MIPEP: variants seen among roughly 807,000 people sequenced by gnomAD.
MIPEP encodes mitochondrial intermediate peptidase.
In MIPEP, 79 loss-of-function variants were observed where a neutral mutation model predicts 90.3. That is an observed-to-expected ratio of 0.87 (90% CI 0.73 to 1.05). The LOEUF (loss-of-function observed/expected upper bound fraction) is 1.05. Among genes scored for constraint, MIPEP ranks in the 50% least tolerant of loss-of-function variants. The pLI, the probability that MIPEP is intolerant of heterozygous loss-of-function variation, is 0.00. For synonymous variants in MIPEP, 334 were observed against 315.8 expected (o/e 1.06, Z -0.61); for missense variants, 940 against 905.6 (o/e 1.04, Z -0.49).
chr13:23,889,316 A>C lies in MIPEP; in HGVS notation c.5T>G (p.Leu2Arg), dbSNP rs1871699880. Residue 2 changes from leucine to arginine, a missense_variant, in exon 1 of 19, where the codon CTG becomes CGG. Leu to Arg is a moderately radical substitution (Grantham distance 102). Coordinates refer to ENST00000382172, the MANE Select transcript of MIPEP (RefSeq NM_005932.4). Reference sequence around the variant, plus strand: ...CAAGCCGCCCAGCCTTCCGACGCACAGCATTCTAGCACCAGAGCAGTCCCT... The same window carrying C: ...CAAGCCGCCCAGCCTTCCGACGCACCGCATTCTAGCACCAGAGCAGTCCCT... Reference protein sequence around the residue: MLCVGRLGGLGA... With the variant: MRCVGRLGGLGA... The C allele has an allele frequency of 7.4e-7, 1 of 1,346,158 alleles. No homozygotes were observed. The highest frequency in any genetic ancestry group is 1.8e-5 in the South Asian group (1 of 54,488). 83.4% of individuals were successfully genotyped at this position (1,346,158 alleles called of 1,614,324 possible). A position where few individuals can be genotyped will look rare whatever the true frequency, so the allele number is the denominator to read the frequency against.
chr13:23,856,260 G>T (rs184617033), intron 10 of MIPEP, among the ~76,000 whole-genome samples: 1 of 152,228 alleles, frequency 6.6e-6, no homozygotes, highest in South Asian at 2.1e-4. Flanking sequence ...ACAAACCAGG[G>T]AGGCAATGGG....
intron 9 of MIPEP, among the ~76,000 whole-genome samples, chr13:23,860,563 GT>G: frequency 6.6e-6 from 1 of 152,166 alleles, no homozygotes; most frequent in African/African-American, 2.4e-5. Flanking sequence ...GAGCAGCAGG[GT>G]AGTAGGAAGG....
chr13:23,732,922 T>A (rs1312244482), intron 18 of MIPEP, among the ~76,000 whole-genome samples: 3 of 152,326 alleles, frequency 2.0e-5, no homozygotes, highest in East Asian at 3.9e-4. Flanking sequence ...AAAGTTTACC[T>A]AAATACAGTA....
intron 10 of MIPEP, among the ~76,000 whole-genome samples, chr13:23,843,023 G>A (rs1158635948): frequency 6.6e-6 from 1 of 150,774 alleles, no homozygotes; most frequent in East Asian, 1.9e-4. Flanking sequence ...CTTGAACCCA[G>A]GAGGCGGAGG....
At chr13:23,812,942 T>A (rs1953191237) in intron 14 of MIPEP, among the ~76,000 whole-genome samples, 1 of 152,176 alleles carries the variant, frequency 6.6e-6, no homozygotes, top group Non-Finnish European at 1.5e-5. Flanking sequence ...CATTAACTCA[T>A]CAAATCACAA....
At chr13:23,865,709 G>A (rs1397247206) in intron 7 of MIPEP, among the ~76,000 whole-genome samples, 2 of 144,114 alleles carry the variant, frequency 1.4e-5, no homozygotes, top group African/African-American at 2.6e-5. Flanking sequence ...TTGCTCTGTT[G>A]CCCAGGCTGG....
chr13:23,839,672 G>GA lies in MIPEP; in HGVS notation c.1314dup (p.Gln439SerfsTer50), dbSNP rs754987851. On this transcript the variant is annotated frameshift_variant, in exon 12 of 19. Coordinates refer to ENST00000382172, the MANE Select transcript of MIPEP (RefSeq NM_005932.4). LOFTEE classifies it high-confidence loss of function. ...ACCTGATGTGGTTTGTCTGCTCGCT[G>GA]AAAAAAATCACAGTAAATGTACCCC... is the stretch of plus-strand genomic sequence containing the variant. 2.5e-6 allele frequency: 4 copies of GA among 1,612,680 alleles called. No homozygotes were observed. The highest frequency in any genetic ancestry group is 2.2e-5 in the East Asian group (1 of 44,804).
rs1730663207 is a variant in MIPEP at position 23,730,275 on chromosome 13, T to C, written c.*73A>G. The C allele has an allele frequency of 4.3e-6, 4 of 925,944 alleles. No homozygotes were observed. In the East Asian group the frequency reaches 8.0e-5, roughly 18 times the overall value. The allele number at this position is 925,944 out of a possible 1,614,324, so 57.4% of individuals were successfully genotyped here. ...GCGAACAATGAAATCAGAAACAAGC[T>C]CTCACAGCTGTAGCATTTATAACAA... On this transcript the variant is annotated 3_prime_UTR_variant, in exon 19 of 19. Transcript: ENST00000382172.
chr13:23,832,869 C>T (rs530570865), intron 14 of MIPEP, among the ~76,000 whole-genome samples: 2 of 152,300 alleles, frequency 1.3e-5, no homozygotes, highest in East Asian at 1.9e-4. Context: ...CTTGTCAAGA[C>T]GTTCTGAATC....
chr13:23,867,962 T>C (rs928157758), intron 7 of MIPEP, among the ~76,000 whole-genome samples: 3 of 151,348 alleles, frequency 2.0e-5, no homozygotes, highest in Non-Finnish European at 4.4e-5. Context: ...AAAAATATGG[T>C]ACTATTATAA....
At chr13:23,881,213 G>C (rs993657585) in intron 3 of MIPEP, among the ~76,000 whole-genome samples, 9 of 152,194 alleles carry the variant, frequency 5.9e-5, no homozygotes, top group Admixed American at 4.6e-4. Flanking sequence ...CAAGGACACT[G>C]TTTATAGAGC....
At position 23,879,229 on chromosome 13, in the gene MIPEP, A is replaced by G. The variant is rs761514187; in HGVS notation, c.539+39T>C. ...GAGAGTCTCCCAACCTCACCTCTAG[A>G]GTCACAGTCACAATCAAGGCAAAGA... On this transcript the variant is annotated intron_variant, in intron 4 of 18. Transcript: ENST00000382172. The G allele has an allele frequency of 5.7e-6, 7 of 1,229,996 alleles. No individual in the cohort carries two copies. In the African/African-American group the frequency reaches 1.0e-4, roughly 18 times the overall value. 76.2% of individuals were successfully genotyped at this position (1,229,996 alleles called of 1,614,324 possible).
intron 16 of MIPEP, among the ~76,000 whole-genome samples, chr13:23,781,146 T>C (rs1280424510): frequency 2.6e-5 from 4 of 152,026 alleles, no homozygotes; most frequent in Non-Finnish European, 5.9e-5. Flanking sequence ...CCAAGACACA[T>C]AATTATCAGA....
rs1593216333 is a variant in MIPEP, at chr13:23,889,361, G to T, written c.-41C>A. 8.0e-7 allele frequency: 1 copy of T among 1,252,338 alleles called. No homozygotes were observed. The highest frequency in any genetic ancestry group is 1.0e-6 in the Non-Finnish European group (1 of 997,234). 77.6% of individuals were successfully genotyped at this position (1,252,338 alleles called of 1,614,324 possible). On this transcript the variant is annotated 5_prime_UTR_variant, in exon 1 of 19. Coordinates refer to ENST00000382172, the MANE Select transcript of MIPEP (RefSeq NM_005932.4). ...GTCCCTTCCTCCAACGCAGATCCCT[G>T]CCCTGCTGCTTTCGCTGGGAGCGCG...
At chr13:23,879,104 C>T in intron 4 of MIPEP, among the ~76,000 whole-genome samples, 164 bp downstream of exon 4, 1 of 152,144 alleles carries the variant, frequency 6.6e-6, no homozygotes, top group East Asian at 1.9e-4. Flanking sequence ...TTGGAGGAGA[C>T]ACCATTTGAG....
At chr13:23,765,922 T>C (rs1420019430) in intron 16 of MIPEP, 1 of 152,214 alleles carries the variant, frequency 6.6e-6, no homozygotes, top group African/African-American at 2.4e-5. Context: ...AGAATGGTAG[T>C]GAAATATATT....
At chr13:23,845,176 CAT>C (rs944608406) in intron 10 of MIPEP, among the ~76,000 whole-genome samples, 1 of 152,270 alleles carries the variant, frequency 6.6e-6, no homozygotes, top group African/African-American at 2.4e-5. Context: ...TATTTTTACA[CAT>C]ATATTTTTCA....
chr13:23,857,509 A>G (rs1348349461), intron 10 of MIPEP, among the ~76,000 whole-genome samples: 2 of 152,192 alleles, frequency 1.3e-5, no homozygotes, highest in Non-Finnish European at 2.9e-5. Context: ...GGTTGAGGCT[A>G]CAGTGAGACA....
intron 16 of MIPEP, among the ~76,000 whole-genome samples, chr13:23,798,541 G>C (rs1400662402): frequency 6.6e-6 from 1 of 152,170 alleles, no homozygotes; most frequent in Admixed American, 6.5e-5. Flanking sequence ...ATATAGTCTA[G>C]ATATGTGTCT....
Sources: allele counts gnomAD v4.1 joint callset (sites outside exome capture counted in the v4.1 genomes callset), GRCh38; gene constraint gnomAD v4.1.1; transcripts MANE v1.5; gene names NCBI Gene and HGNC (gene_info 2026-07-23, HGNC 2026-07-21).